Variants in CGN observed in about 807,000 individuals in gnomAD.
CGN encodes cingulin.
A neutral mutation model predicts 157.1 loss-of-function variants in CGN; 121 were observed. The observed-to-expected ratio is 0.77, with a 90% CI of 0.66 to 0.90. CGN has a LOEUF of 0.90. CGN is among the 40% of genes least tolerant of loss of function. The probability of loss-of-function intolerance (pLI) is 0.00; values close to 1 mark genes in which losing one functional copy is unlikely to be tolerated. For synonymous variants in CGN, 535 were observed against 607.5 expected, an observed-to-expected ratio of 0.88 and a Z score of 1.76; for missense variants, 1,424 against 1,520.9, an observed-to-expected ratio of 0.94 and a Z score of 1.06.
chr1:151,528,283 A>G (rs546163857), intron 10 of CGN, among the ~76,000 whole-genome samples: 12 of 151,322 alleles, frequency 7.9e-5, no homozygotes, highest in Non-Finnish European at 1.5e-4. Flanking sequence ...CACCGCACCC[A>G]GCCTCACACT....
chr1:151,532,324 A>T, intron 13 of CGN, 78 bp from the exon 14 acceptor site: 1 of 1,137,096 alleles, frequency 8.8e-7, no homozygotes, highest in Non-Finnish European at 1.2e-6. Flanking sequence ...GGAGACCCTT[A>T]GGGGAGAGTC....
rs202211004 is a variant in CGN, at chr1:151,530,076, G to A, written c.2274G>A (p.Ala758=). The change falls in exon 12 of 21, where the codon GCG becomes GCA. Residue 758 remains alanine, a synonymous_variant. Coordinates refer to ENST00000271636, the MANE Select transcript of CGN (RefSeq NM_020770.3). ...GAGGTCTGGTGGATGGTGGGGAAGC[G>A]GTGGAGGCACGACTACGGGACAAGC... ...ETRGLVDGGE[A]VEARLRDKLQ... 121 of 1,613,876 alleles carry A rather than the reference G, an allele frequency of 7.5e-5. No individual in the cohort carries two copies. Among genetic ancestry groups the A allele is most frequent in the Non-Finnish European group, 2.5e-5 (29 of 1,179,932 alleles).
chr1:151,520,847 T>C (rs1386843353), intron 5 of CGN, among the ~76,000 whole-genome samples, 156 bp downstream of exon 5: 1 of 152,190 alleles, frequency 6.6e-6, no homozygotes, highest in African/African-American at 2.4e-5. Context: ...CAGGAAGGAC[T>C]TCTGGGGTTC....
chr1:151,532,681 G>A lies in CGN; in HGVS notation c.2742+109G>A, dbSNP rs1435353623. The A allele has an allele frequency of 1.2e-5, 10 of 866,018 alleles. No individual in the cohort carries two copies. In the African/African-American group the frequency reaches 1.3e-4, roughly 11 times the overall value. The allele number at this position is 866,018 out of a possible 1,614,324, so 53.6% of individuals were successfully genotyped here. On this transcript the variant is annotated intron_variant, in intron 14 of 20. Coordinates refer to ENST00000271636, the MANE Select transcript of CGN (RefSeq NM_020770.3). ...GTCGCCCAGGCTGGAGTTCAGTGGCGCGATCTTGGCTCACTGCAAGCTCTG... is the reference window on the plus strand; with the variant it reads ...GTCGCCCAGGCTGGAGTTCAGTGGCACGATCTTGGCTCACTGCAAGCTCTG...
intron 15 of CGN, 81 bp downstream of exon 15, chr1:151,534,217 C>A: frequency 7.6e-7 from 1 of 1,319,422 alleles, no homozygotes; most frequent in Non-Finnish European, 1.0e-6. Flanking sequence ...AAACCGACAG[C>A]CCACAGTTGA....
chr1:151,530,579 C>A lies in CGN; in HGVS notation c.2404C>A (p.Leu802Ile), dbSNP rs1373282521. 1 of 1,611,006 alleles carries A rather than the reference C, an allele frequency of 6.2e-7. No homozygotes were observed. Among genetic ancestry groups the A allele is most frequent in the Non-Finnish European group, 8.5e-7 (1 of 1,178,638 alleles). ...AGCCAAGCGGGCACTGGAGGCACGC[C>A]TAGAGGAGGCTCAGCGGGGGCTGGC... is the stretch of plus-strand genomic sequence containing the variant. ...AAAKRALEAR[L>I]EEAQRGLARL... The change falls in exon 13 of 21, where the codon CTA (leucine) becomes ATA (isoleucine). Residue 802 changes from leucine to isoleucine, a missense_variant. This residue lies in a region of CGN where 1,187 missense variants were observed against 1,217.6 expected (regional missense o/e 0.97). Coordinates refer to ENST00000271636, the MANE Select transcript of CGN (RefSeq NM_020770.3).
At chr1:151,517,291 G>A (rs1664437360) in intron 1 of CGN, among the ~76,000 whole-genome samples, 2 of 152,234 alleles carry the variant, frequency 1.3e-5, no homozygotes, top group African/African-American at 4.8e-5. Context: ...TCCCATCCCT[G>A]TTCCTAGTCC....
At chr1:151,530,457 T>TC (rs1331823502) in intron 12 of CGN, 32 bp from the exon 13 acceptor site, 2 of 1,518,246 alleles carry the variant, frequency 1.3e-6, no homozygotes, top group Non-Finnish European at 1.7e-6. Flanking sequence ...TTTTACCTTT[T>TC]CTCAGTCCAA....
chr1:151,534,479 T>C (rs1664912835), intron 15 of CGN: 1 of 297,118 alleles, frequency 3.4e-6, no homozygotes, highest in South Asian at 3.4e-5. Context: ...AGCAAACATA[T>C]TGTGCTGTGT....
chr1:151,520,090 C>CCA, intron 2 of CGN, 76 bp from the exon 3 acceptor site: 6 of 1,120,572 alleles, frequency 5.4e-6, no homozygotes, highest in Non-Finnish European at 7.7e-6. Flanking sequence ...CATCTGAACC[C>CCA]CACGCATGCT....
At chr1:151,527,772 G>A (rs900054782) in intron 10 of CGN, 1 of 153,596 alleles carries the variant, frequency 6.5e-6, no homozygotes, top group African/African-American at 2.5e-5. Context: ...AATCAGAGCT[G>A]TGCCAGCATT....
chr1:151,516,890 T>A (rs1206926415), intron 1 of CGN, among the ~76,000 whole-genome samples: 3 of 150,860 alleles, frequency 2.0e-5, no homozygotes, highest in Non-Finnish European at 4.4e-5. Context: ...GCTGGGTGCG[T>A]GGCTCATGCC....
intron 5 of CGN, among the ~76,000 whole-genome samples, chr1:151,521,014 A>G (rs1374254693): frequency 1.3e-5 from 2 of 152,118 alleles, no homozygotes; most frequent in East Asian, 3.8e-4. Context: ...TATCATTATC[A>G]TAATAATGGC....
At position 151,530,575 on chromosome 1, in the gene CGN, A is replaced by C. The variant is rs978600823; in HGVS notation, c.2400A>C (p.Ala800=). 7 of 1,610,142 alleles carry C rather than the reference A, an allele frequency of 4.3e-6. No individual in the cohort carries two copies. The Admixed American group carries it at 5.0e-5, about 12-fold the overall frequency. ...CAGCAGCCAAGCGGGCACTGGAGGCACGCCTAGAGGAGGCTCAGCGGGGGC... is the reference window on the plus strand; with the variant it reads ...CAGCAGCCAAGCGGGCACTGGAGGCCCGCCTAGAGGAGGCTCAGCGGGGGC... ...SLAAAKRALE[A]RLEEAQRGLA... is the part of the protein sequence containing the mutation. The change falls in exon 13 of 21, where the codon GCA becomes GCC. Residue 800 remains alanine, a synonymous_variant. Coordinates refer to ENST00000271636, the MANE Select transcript of CGN (RefSeq NM_020770.3).
At chr1:151,533,794 A>T (rs1311295543) in intron 14 of CGN, among the ~76,000 whole-genome samples, 181 bp from the exon 15 acceptor site, 1 of 152,236 alleles carries the variant, frequency 6.6e-6, no homozygotes, top group Non-Finnish European at 1.5e-5. Flanking sequence ...ACTCCATCTA[A>T]AAAATGAAAA....
intron 1 of CGN, 78 bp from the exon 2 acceptor site, chr1:151,518,428 G>T: frequency 8.0e-7 from 1 of 1,257,442 alleles, no homozygotes; most frequent in African/African-American, 1.5e-5. Context: ...GGAACTGACA[G>T]GGAAGTCAGC....
At chr1:151,532,030 T>G (rs1664848477) in intron 13 of CGN, among the ~76,000 whole-genome samples, 1 of 152,256 alleles carries the variant, frequency 6.6e-6, no homozygotes, top group African/African-American at 2.4e-5. Context: ...CACCTTGGGT[T>G]TGCTGAAATG....
At position 151,519,182 on chromosome 1, in the gene CGN, G is replaced by A. The variant is rs1664484017; in HGVS notation, c.663G>A (p.Arg221=). 1 of 1,614,060 alleles carries A rather than the reference G, an allele frequency of 6.2e-7. No homozygotes were observed. Among genetic ancestry groups the A allele is most frequent in the African/African-American group, 1.3e-5 (1 of 75,038 alleles). Residue 221 remains arginine (R), a synonymous_variant, in exon 2 of 21, where the codon CGG becomes CGA. Coordinates refer to ENST00000271636, the MANE Select transcript of CGN (RefSeq NM_020770.3). ...RSKSLDSRLP[R]DTFEERERQS... The stretch of plus-strand genomic sequence containing the variant: ...AGAGCCTGGACAGCCGCCTCCCACG[G>A]GACACCTTTGAGGAACGGGAGCGCC...
At chr1:151,532,629 T>A in intron 14 of CGN, 57 bp downstream of exon 14, 1 of 1,305,402 alleles carries the variant, frequency 7.7e-7, no homozygotes, top group Non-Finnish European at 9.9e-7. Flanking sequence ...TTTTTTTTTT[T>A]TTTTGTCCGA....
Sources: gnomAD v4.1 joint callset for allele counts (sites outside exome capture counted in the v4.1 genomes callset) on GRCh38, gnomAD v4.1.1 for gene constraint, gnomAD v4.1.1 regional missense constraint, MANE v1.5 for transcripts, NCBI Gene and HGNC (gene_info 2026-07-23, HGNC 2026-07-21) for gene names.